Variants in GPNMB observed in about 807,000 individuals in gnomAD.
The protein encoded by GPNMB is glycoprotein nmb.
Under a neutral mutation model 57.3 loss-of-function variants are expected in GPNMB, and 71 were observed. The ratio of observed to expected loss-of-function variants is 1.24; its 90% CI spans 1.02 to 1.51. The LOEUF is 1.51. Among genes scored for constraint, GPNMB ranks in the 40% most tolerant of loss-of-function variants. The pLI is 0.00. For synonymous variants in GPNMB, 253 were observed against 263.2 expected, an observed-to-expected ratio of 0.96 and a Z score of 0.38; for missense variants, 677 against 691.9, an observed-to-expected ratio of 0.98 and a Z score of 0.24.
chr7:23,260,458 C>T lies in GPNMB; in HGVS notation c.703C>T (p.Gln235Ter). 6.2e-7 allele frequency: 1 copy of T among 1,605,814 alleles called. No individual in the cohort carries two copies. The highest frequency in any genetic ancestry group is 8.5e-7 in the Non-Finnish European group (1 of 1,174,466). The change falls in exon 6 of 11, where the codon CAG (glutamine) becomes TAG (stop). Residue 235 changes from glutamine (Q) to a stop codon, truncating the protein, a stop_gained and splice_region_variant. Coordinates refer to ENST00000258733, the MANE Select transcript of GPNMB (RefSeq NM_002510.3). LOFTEE classifies it high-confidence loss of function. Reference sequence around the variant, plus strand: ...TCTTTGGGGGATGTATCTTTTAGATCAGATTCCTGTGTTTGTGACTATGTT... The same window carrying T: ...TCTTTGGGGGATGTATCTTTTAGATTAGATTCCTGTGTTTGTGACTATGTT... ...QVKDVYVVTDQIPVFVTMFQK... is the reference protein window; with the variant it reads ...QVKDVYVVTD
chr7:23,266,604 T>C lies in GPNMB; in HGVS notation c.1106T>C (p.Ile369Thr). 1 of 1,613,816 alleles carries C rather than the reference T, an allele frequency of 6.2e-7. No homozygotes were observed. The highest frequency in any genetic ancestry group is 8.5e-7 in the Non-Finnish European group (1 of 1,179,876). Residue 369 changes from isoleucine to threonine, a missense_variant, in exon 7 of 11, where the codon ATC (isoleucine) becomes ACC (threonine). Coordinates refer to ENST00000258733, the MANE Select transcript of GPNMB (RefSeq NM_002510.3). The part of the protein sequence containing the change: ...INRYGHFQAT[I>T]TIVEGILEVN... The stretch of plus-strand genomic sequence containing the variant: ...AGATATGGCCACTTTCAAGCCACCA[T>C]CACAATTGTAGGTAAGGCTGAAGAT...
chr7:23,254,412 G>T, intron 3 of GPNMB, 100 bp downstream of exon 3: 2 of 902,376 alleles, frequency 2.2e-6, no homozygotes, highest in Non-Finnish European at 3.5e-6. Context: ...CTCATCCCTT[G>T]CCACTGCACT....
rs547603771 is a variant in GPNMB at position 23,262,693 on chromosome 7, A to G, written c.1018+1920A>G. ...GAGTGCAGTGGCACAATCTTGGCTC[A>G]CTGCAACCTCCACCTCCTGGACTCA... On this transcript the variant is annotated intron_variant, in intron 6 of 10. Coordinates refer to ENST00000258733, the MANE Select transcript of GPNMB (RefSeq NM_002510.3). Among the ~76,000 whole-genome samples, 29 of 130,436 alleles carry G rather than the reference A, an allele frequency of 2.2e-4. 1 individual carries two copies. The highest frequency in any genetic ancestry group is 4.1e-4 in the Non-Finnish European group (27 of 65,552). 85.6% of individuals were successfully genotyped at this position (130,436 alleles called of 152,430 possible).
intron 6 of GPNMB, among the ~76,000 whole-genome samples, chr7:23,263,885 C>T (rs1446593309): frequency 6.6e-6 from 1 of 151,980 alleles, no homozygotes; most frequent in Non-Finnish European, 1.5e-5. Context: ...TATGTTCTCT[C>T]TGCTTTGGTA....
rs995229124 is a variant in GPNMB at position 23,266,216 on chromosome 7, TG to T, written c.1019-298del. On this transcript the variant is annotated intron_variant, in intron 6 of 10. Transcript: ENST00000258733. ...TGCCCCCCTCGGCCTCCCAAAGTGC[TG>T]GGATTACAGGCATGAGCCACTGCAC... 1.2e-4 allele frequency: 39 copies of T among 318,344 alleles called. No homozygotes were observed. The Admixed American group carries it at 1.8e-3, about 14-fold the overall frequency. 19.7% of individuals were successfully genotyped at this position (318,344 alleles called of 1,614,324 possible). A position where few individuals can be genotyped will look rare whatever the true frequency, so the allele number is the denominator to read the frequency against.
At chr7:23,261,645 G>T (rs1295748148) in intron 6 of GPNMB, among the ~76,000 whole-genome samples, 2 of 152,084 alleles carry the variant, frequency 1.3e-5, no homozygotes, top group African/African-American at 4.8e-5. Context: ...GTAGGGGTAG[G>T]GAGGCGGGAT....
rs779233817 is a variant in GPNMB, at chr7:23,260,533, C to T, written c.778C>T (p.Pro260Ser). ...SSDETFLKDL[P>S]IMFDVLIHDP... is the part of the protein sequence containing the mutation. ...CGACGAAACCTTCCTCAAAGATCTC[C>T]CCATTATGTTTGATGTCCTGATTCA... The change falls in exon 6 of 11, where the codon CCC becomes TCC. Residue 260 changes from proline to serine, a missense_variant. By Grantham distance (74) the Pro-to-Ser change is moderately conservative. Coordinates refer to ENST00000258733, the MANE Select transcript of GPNMB (RefSeq NM_002510.3). 26 of 1,613,172 alleles carry T rather than the reference C, an allele frequency of 1.6e-5. No individual in the cohort carries two copies. In the Admixed American group the frequency reaches 4.2e-4, roughly 26 times the overall value.
intron 4 of GPNMB, among the ~76,000 whole-genome samples, chr7:23,259,638 A>T (rs970319811): frequency 7.2e-5 from 11 of 152,358 alleles, no homozygotes; most frequent in Admixed American, 3.9e-4. Context: ...TCATCATTAT[A>T]TTAAATGTAT....
intron 4 of GPNMB, 48 bp from the exon 5 acceptor site, chr7:23,259,932 A>C: frequency 6.4e-7 from 1 of 1,574,072 alleles, no homozygotes; most frequent in Non-Finnish European, 8.7e-7. Context: ...GCTTCCTATA[A>C]TGATGATATA....
chr7:23,254,224 T>G lies in GPNMB; in HGVS notation c.279T>G (p.Asn93Lys). 2 of 1,614,038 alleles carry G rather than the reference T, an allele frequency of 1.2e-6. No homozygotes were observed. The highest frequency in any genetic ancestry group is 1.7e-6 in the Non-Finnish European group (2 of 1,179,916). ...TSDSPALVGSNITFAVNLIFP... is the reference protein window; with the variant it reads ...TSDSPALVGSKITFAVNLIFP... ...ACTCACCAGCCCTCGTGGGCTCAAA[T>G]ATAACATTTGCGGTGAACCTGATAT... Residue 93 changes from asparagine to lysine, a missense_variant, in exon 3 of 11, where the codon AAT (asparagine) becomes AAG (lysine). Physicochemically the swap from Asn to Lys is moderately conservative, Grantham distance 94. Coordinates refer to ENST00000258733, the MANE Select transcript of GPNMB (RefSeq NM_002510.3).
At chr7:23,254,356 T>C in intron 3 of GPNMB, 44 bp downstream of exon 3, 2 of 1,523,382 alleles carry the variant, frequency 1.3e-6, no homozygotes, top group Non-Finnish European at 1.8e-6. Flanking sequence ...ACCCAGTTTC[T>C]AAACCTTAAT....
At chr7:23,259,738 A>G (rs1325395752) in intron 4 of GPNMB, among the ~76,000 whole-genome samples, 2 of 152,308 alleles carry the variant, frequency 1.3e-5, no homozygotes, top group East Asian at 3.9e-4. Flanking sequence ...GTTTTATGCC[A>G]CTAAACAGCT....
chr7:23,273,992 A>G, intron 10 of GPNMB, 73 bp from the exon 11 acceptor site: 1 of 1,201,348 alleles, frequency 8.3e-7, no homozygotes, highest in East Asian at 2.3e-5. Flanking sequence ...ACCTGGCATG[A>G]AAAAGATTGT....
chr7:23,254,319 A>G lies in GPNMB; in HGVS notation c.367+7A>G, dbSNP rs370920664. ...GAGAAGAACTGCAGAAATGGTAAGA[A>G]CACAGTATTCTCCTAAACTACTGGA... On this transcript the variant is annotated splice_region_variant and intron_variant, in intron 3 of 10. Coordinates refer to ENST00000258733, the MANE Select transcript of GPNMB (RefSeq NM_002510.3). 1 of 1,610,772 alleles carries G rather than the reference A, an allele frequency of 6.2e-7. No individual in the cohort carries two copies. Among genetic ancestry groups the G allele is most frequent in the Non-Finnish European group, 8.5e-7 (1 of 1,177,442 alleles).
chr7:23,260,506 T>C lies in GPNMB; in HGVS notation c.751T>C (p.Ser251Pro). The change falls in exon 6 of 11, where the codon TCC (serine) becomes CCC (proline). Residue 251 changes from serine to proline, a missense_variant. Coordinates refer to ENST00000258733, the MANE Select transcript of GPNMB (RefSeq NM_002510.3). ...GTTCCAGAAGAACGATCGAAATTCA[T>C]CCGACGAAACCTTCCTCAAAGATCT... Reference protein sequence around the residue: ...TMFQKNDRNSSDETFLKDLPI... With the variant: ...TMFQKNDRNSPDETFLKDLPI... The C allele has an allele frequency of 6.2e-7, 1 of 1,613,974 alleles. No homozygotes were observed. The highest frequency in any genetic ancestry group is 2.2e-5 in the East Asian group (1 of 44,878).
chr7:23,248,307 C>G (rs899942559), intron 1 of GPNMB, among the ~76,000 whole-genome samples: 4 of 152,062 alleles, frequency 2.6e-5, no homozygotes, highest in African/African-American at 9.7e-5. Context: ...CAGAATAGAC[C>G]CGATGGGGGA....
At chr7:23,257,999 C>T (rs941475404) in intron 4 of GPNMB, 3 of 152,088 alleles carry the variant, frequency 2.0e-5, no homozygotes, top group African/African-American at 4.8e-5. Context: ...AATGGCTGCA[C>T]GATATTTCAT....
rs372684901 is a variant in GPNMB, at chr7:23,254,174, C to T, written c.229C>T (p.Arg77Cys). ...CCCACTTTTTTATACCCTAGGAGGCCGTGTGCAGGCGGTCCTGACCAGTGA... is the reference window on the plus strand; with the variant it reads ...CCCACTTTTTTATACCCTAGGAGGCTGTGTGCAGGCGGTCCTGACCAGTGA... ...MRWKNSWKGG[R>C]VQAVLTSDSP... Residue 77 changes from arginine (R) to cysteine (C), a missense_variant, in exon 3 of 11, where the codon CGT becomes TGT. By Grantham distance (180) the Arg-to-Cys change is radical. Transcript: ENST00000258733. 8.1e-6 allele frequency: 13 copies of T among 1,611,748 alleles called. No homozygotes were observed. Among genetic ancestry groups the T allele is most frequent in the Middle Eastern group, 1.6e-4 (1 of 6,074 alleles).
chr7:23,266,690 C>G (rs1783072169), intron 7 of GPNMB, 75 bp downstream of exon 7: 2 of 1,390,220 alleles, frequency 1.4e-6, no homozygotes, highest in Non-Finnish European at 2.0e-6. Context: ...TCTGCTAACT[C>G]TGAAGGGGTA....
Sources: allele counts gnomAD v4.1 joint callset (sites outside exome capture counted in the v4.1 genomes callset), GRCh38; gene constraint gnomAD v4.1.1; transcripts MANE v1.5; gene names NCBI Gene and HGNC (gene_info 2026-07-23, HGNC 2026-07-21).